PLEKHM3: variants seen among roughly 807,000 people sequenced by gnomAD.
PLEKHM3 encodes pleckstrin homology domain-containing family M member 3.
In PLEKHM3, 45 loss-of-function variants were observed where a neutral mutation model predicts 81.8. The ratio of observed to expected loss-of-function variants is 0.55; its 90% CI spans 0.43 to 0.71. The LOEUF (loss-of-function observed/expected upper bound fraction) is 0.71. Ranked by LOEUF, PLEKHM3 falls within the 30% of genes least tolerant of loss-of-function variation. The pLI is 0.00. For missense variants in PLEKHM3, 788 were observed against 924.3 expected, an observed-to-expected ratio of 0.85 and a Z score of 1.91; for synonymous variants, 352 against 356.4, an observed-to-expected ratio of 0.99 and a Z score of 0.14.
intron 5 of PLEKHM3, among the ~76,000 whole-genome samples, chr2:207,928,936 C>T (rs1306914177): frequency 2.0e-5 from 3 of 152,092 alleles, no homozygotes; most frequent in African/African-American, 4.8e-5. Flanking sequence ...TCAGACATTG[C>T]GCTAAGTGAA....
At chr2:207,873,054 G>A (rs1359246960) in intron 6 of PLEKHM3, among the ~76,000 whole-genome samples, 1 of 152,088 alleles carries the variant, frequency 6.6e-6, no homozygotes, top group Non-Finnish European at 1.5e-5. Flanking sequence ...ATAAGAGTTA[G>A]GAGAGACATG....
chr2:207,957,909 G>C (rs1690574269), intron 3 of PLEKHM3, among the ~76,000 whole-genome samples: 1 of 152,094 alleles, frequency 6.6e-6, no homozygotes, highest in Admixed American at 6.6e-5. Flanking sequence ...AGACATTTTT[G>C]GTAGGATGGG....
intron 6 of PLEKHM3, among the ~76,000 whole-genome samples, chr2:207,898,506 C>T (rs1688315558): frequency 6.6e-6 from 1 of 152,182 alleles, no homozygotes; most frequent in African/African-American, 2.4e-5. Flanking sequence ...GTAATCCCAG[C>T]ACTTTGGAAG....
chr2:208,015,084 C>A (rs1202070136), intron 1 of PLEKHM3, among the ~76,000 whole-genome samples: 1 of 152,192 alleles, frequency 6.6e-6, no homozygotes, highest in Non-Finnish European at 1.5e-5. Flanking sequence ...TACTAAAGTA[C>A]TTACTACTTA....
rs909039377 is a variant in PLEKHM3 at position 207,821,714 on chromosome 2, G to A, written c.*6605C>T. On this transcript the variant is annotated 3_prime_UTR_variant, in exon 8 of 8. Coordinates refer to ENST00000427836, the MANE Select transcript of PLEKHM3 (RefSeq NM_001080475.3). ...TCAATACTCTCCATTTGCAACCTAA[G>A]CATTTTCTCTCCTTTAAAAAAAAAA... 1 of 151,606 alleles carries A rather than the reference G, an allele frequency of 6.6e-6. No homozygotes were observed. The highest frequency in any genetic ancestry group is 6.6e-5 in the Admixed American group (1 of 15,174). 9.4% of individuals were successfully genotyped at this position (151,606 alleles called of 1,614,324 possible).
At position 208,001,118 on chromosome 2, in the gene PLEKHM3, C is replaced by T. The variant is rs537158571; in HGVS notation, c.522G>A (p.Gln174=). ...KTTPLQQQQQ[Q]QPLLQGPHVT... Reference sequence around the variant, plus strand: ...CATGCGGGCCTTGAAGCAATGGCTGCTGCTGTTGCTGCTGCTGCAAAGGCG... The same window carrying T: ...CATGCGGGCCTTGAAGCAATGGCTGTTGCTGTTGCTGCTGCTGCAAAGGCG... Residue 174 remains glutamine, a synonymous_variant, in exon 2 of 8, where the codon CAG becomes CAA. Transcript: ENST00000427836. 2.5e-6 allele frequency: 4 copies of T among 1,598,200 alleles called. No individual in the cohort carries two copies. In the African/African-American group the frequency reaches 5.4e-5, roughly 22 times the overall value.
At chr2:207,828,615 A>C in intron 7 of PLEKHM3, 119 bp from the exon 8 acceptor site, 5 of 903,282 alleles carry the variant, frequency 5.5e-6, no homozygotes, top group Non-Finnish European at 8.3e-6. Flanking sequence ...CAACCCTGCC[A>C]ATGGGAAGGG....
intron 6 of PLEKHM3, chr2:207,901,140 G>T (rs1374705059): frequency 4.7e-6 from 3 of 642,390 alleles, no homozygotes; most frequent in Non-Finnish European, 8.5e-6. Context: ...GGGCAACAGG[G>T]CTCTCTATCC....
At chr2:207,999,472 C>T (rs1404592106) in intron 2 of PLEKHM3, among the ~76,000 whole-genome samples, 3 of 151,880 alleles carry the variant, frequency 2.0e-5, no homozygotes, top group Admixed American at 6.6e-5. Flanking sequence ...AAAAATTAGC[C>T]GGGCCTGCCT....
rs371493664 is a variant in PLEKHM3, at chr2:207,859,136, C to CTTTTTTT, written c.2108+1962_2108+1968dup. Among the ~76,000 whole-genome samples, 479 of 118,092 alleles carry CTTTTTTT rather than the reference C, an allele frequency of 4.1e-3. 1 individual carries two copies. Among genetic ancestry groups the CTTTTTTT allele is most frequent in the Non-Finnish European group, 5.7e-3 (334 of 58,752 alleles). The allele number at this position is 118,092 out of a possible 152,430, so 77.5% of individuals were successfully genotyped here. On this transcript the variant is annotated intron_variant, in intron 7 of 7. Coordinates refer to ENST00000427836, the MANE Select transcript of PLEKHM3 (RefSeq NM_001080475.3). ...ATGTATCAGTACGTTTTTTCTTTTTCTTTTTTTTTTTTTTTTTTGAGATGG... is the reference window on the plus strand; with the variant it reads ...ATGTATCAGTACGTTTTTTCTTTTTCTTTTTTTTTTTTTTTTTTTTTTTTTGAGATGG...
At chr2:207,949,069 T>C (rs1389480920) in intron 3 of PLEKHM3, among the ~76,000 whole-genome samples, 1 of 152,148 alleles carries the variant, frequency 6.6e-6, no homozygotes, top group Non-Finnish European at 1.5e-5. Context: ...ATAAACTGAG[T>C]ACTATCTGGC....
intron 7 of PLEKHM3, among the ~76,000 whole-genome samples, chr2:207,850,154 A>C (rs1439809734): frequency 6.6e-6 from 1 of 152,224 alleles, no homozygotes; most frequent in Non-Finnish European, 1.5e-5. Flanking sequence ...CATTCCTGTC[A>C]GAAGGAGATT....
chr2:207,931,194 G>T, intron 4 of PLEKHM3, 75 bp from the exon 5 acceptor site: 1 of 1,324,698 alleles, frequency 7.5e-7, no homozygotes, highest in Non-Finnish European at 1.0e-6. Context: ...AGGAACCATA[G>T]CTGAAATATC....
rs1469120851 is a variant in PLEKHM3 at position 207,976,840 on chromosome 2, T to C, written c.1357A>G (p.Ile453Val). The C allele has an allele frequency of 1.2e-6, 2 of 1,614,238 alleles. No individual in the cohort carries two copies. The highest frequency in any genetic ancestry group is 1.7e-6 in the Non-Finnish European group (2 of 1,180,050). Reference protein sequence around the residue: ...RAQEWMEALKIAANVARSSEQ... With the variant: ...RAQEWMEALKVAANVARSSEQ... Reference sequence around the variant, plus strand: ...GAACTCCTCGCCACATTGGCAGCTATCTTCAGAGCCTCCATCCATTCCTGA... The same window carrying C: ...GAACTCCTCGCCACATTGGCAGCTACCTTCAGAGCCTCCATCCATTCCTGA... The change falls in exon 3 of 8, where the codon ATA becomes GTA. Residue 453 changes from isoleucine to valine, a missense_variant. By Grantham distance (29) the Ile-to-Val change is conservative (BLOSUM62 3). Transcript: ENST00000427836. This position sits in a 1 kb window ranked among gnomAD's most constrained non-coding sequence, Gnocchi z 4.1.
chr2:207,996,548 C>T (rs554154569), intron 2 of PLEKHM3, among the ~76,000 whole-genome samples: 1 of 152,226 alleles, frequency 6.6e-6, no homozygotes, highest in East Asian at 1.9e-4. Flanking sequence ...GGGTAAAATT[C>T]TCAGGTGAAA....
At chr2:207,891,462 A>T (rs1234863477) in intron 6 of PLEKHM3, among the ~76,000 whole-genome samples, 1 of 152,220 alleles carries the variant, frequency 6.6e-6, no homozygotes, top group African/African-American at 2.4e-5. Context: ...GTCACACAGC[A>T]GGTAAGGGGT....
At chr2:208,020,320 T>A (rs1173995294) in intron 1 of PLEKHM3, among the ~76,000 whole-genome samples, 1 of 152,200 alleles carries the variant, frequency 6.6e-6, no homozygotes, top group Non-Finnish European at 1.5e-5. Flanking sequence ...GATTAACAAT[T>A]AATGAGTGTA....
chr2:207,994,336 T>C (rs937324297), intron 2 of PLEKHM3, among the ~76,000 whole-genome samples: 1 of 152,220 alleles, frequency 6.6e-6, no homozygotes, highest in African/African-American at 2.4e-5. Context: ...TTGTCTTCTT[T>C]ATCCTACGGC....
chr2:207,993,187 G>A (rs1421123903), intron 2 of PLEKHM3, among the ~76,000 whole-genome samples: 1 of 152,174 alleles, frequency 6.6e-6, no homozygotes, highest in Non-Finnish European at 1.5e-5. Flanking sequence ...ATAGAGAAGT[G>A]TTATGAATCA....
Sources: allele counts gnomAD v4.1 joint callset (sites outside exome capture counted in the v4.1 genomes callset), GRCh38; gene constraint gnomAD v4.1.1; non-coding constraint Gnocchi (gnomAD v3.1); transcripts MANE v1.5; gene names NCBI Gene and HGNC (gene_info 2026-07-23, HGNC 2026-07-21).